NKAIN4: variants seen among roughly 807,000 people sequenced by gnomAD.
The protein encoded by NKAIN4 is sodium/potassium transporting ATPase interacting 4.
NKAIN4 carries 28 observed loss-of-function variants against 28.8 expected under a neutral mutation model. The ratio of observed to expected loss-of-function variants is 0.97; its 90% CI spans 0.72 to 1.33. The LOEUF is 1.33. NKAIN4 is among the 40% of genes most tolerant of loss of function. The pLI is 0.00. For synonymous variants in NKAIN4, 122 were observed against 115.6 expected (o/e 1.06, Z -0.36); for missense variants, 289 against 277.2 (o/e 1.04, Z -0.30).
At chr20:63,248,423 T>C (rs909053335) in intron 3 of NKAIN4, 10 of 198,226 alleles carry the variant, frequency 5.0e-5, no homozygotes, top group Non-Finnish European at 9.5e-5. Context: ...GTTCCCTGCA[T>C]TGCAGGAGGC....
intron 5 of NKAIN4, 117 bp downstream of exon 5, chr20:63,243,907 G>A: frequency 1.2e-6 from 1 of 804,458 alleles, no homozygotes; most frequent in Non-Finnish European, 2.0e-6. Flanking sequence ...GCCCTGCTGG[G>A]CGTGAGGTCC....
intron 4 of NKAIN4, 141 bp downstream of exon 4, chr20:63,247,437 A>G: frequency 1.3e-6 from 2 of 1,542,836 alleles, no homozygotes; most frequent in Non-Finnish European, 1.7e-6. Context: ...TAACCTCTCC[A>G]GCAAGGGTGG....
At chr20:63,243,127 G>T (rs1031094658) in intron 5 of NKAIN4, among the ~76,000 whole-genome samples, 5 of 152,226 alleles carry the variant, frequency 3.3e-5, no homozygotes, top group Non-Finnish European at 7.3e-5. Flanking sequence ...TGAACCCCAG[G>T]TTCAAATGGG....
chr20:63,247,446 G>T (rs374123235), intron 4 of NKAIN4, 132 bp downstream of exon 4: 2 of 1,544,518 alleles, frequency 1.3e-6, no homozygotes, highest in East Asian at 2.4e-5. Flanking sequence ...CAGCAAGGGT[G>T]GGGGATGAGG....
chr20:63,246,766 G>A (rs1009314893), intron 4 of NKAIN4: 19 of 984,228 alleles, frequency 1.9e-5, no homozygotes, highest in South Asian at 9.4e-5. Flanking sequence ...GAGGTGAAAC[G>A]CTGACCGAGC....
chr20:63,242,109 C>T (rs1296660445), intron 6 of NKAIN4, among the ~76,000 whole-genome samples: 1 of 152,164 alleles, frequency 6.6e-6, no homozygotes, highest in African/African-American at 2.4e-5. Context: ...CTGGGGTTTG[C>T]AGAGCTGTGG....
intron 3 of NKAIN4, 82 bp from the exon 4 acceptor site, chr20:63,247,857 C>T: frequency 7.1e-7 from 1 of 1,400,164 alleles, no homozygotes; most frequent in Non-Finnish European, 9.3e-7. Context: ...GGGACGCCAC[C>T]ACACCGAGGC....
chr20:63,253,513 G>C (rs1270114181), intron 1 of NKAIN4: 1 of 985,410 alleles, frequency 1.0e-6, no homozygotes, highest in Non-Finnish European at 1.2e-6. Context: ...GGAGGGGGGC[G>C]CGCGGTCCAG....
intron 2 of NKAIN4, among the ~76,000 whole-genome samples, chr20:63,249,718 G>A (rs935815947): frequency 1.3e-5 from 2 of 152,134 alleles, no homozygotes; most frequent in African/African-American, 4.8e-5. Context: ...CCCAATATAT[G>A]CAGCTGCTCC....
chr20:63,244,819 G>A lies in NKAIN4; in HGVS notation c.472-735C>T, dbSNP rs531568281. Among the ~76,000 whole-genome samples the A allele has an allele frequency of 9.6e-4, 146 of 152,334 alleles. 1 individual carries two copies. Among genetic ancestry groups the A allele is most frequent in the African/African-American group, 2.9e-3 (120 of 41,590 alleles). On this transcript the variant is annotated intron_variant, in intron 4 of 6. Coordinates refer to ENST00000370316, the MANE Select transcript of NKAIN4 (RefSeq NM_152864.4). ...AAACACCAACAGCATGAGCGAGAGGGCCTGGCCAGGGGCACTCCAGGCCAC... is the reference window on the plus strand; with the variant it reads ...AAACACCAACAGCATGAGCGAGAGGACCTGGCCAGGGGCACTCCAGGCCAC...
chr20:63,245,635 G>A lies in NKAIN4; in HGVS notation c.472-1551C>T, dbSNP rs1161945068. Among the ~76,000 whole-genome samples the A allele has an allele frequency of 1.3e-5, 2 of 152,094 alleles. No homozygotes were observed. The highest frequency in any genetic ancestry group is 2.1e-4 in the South Asian group (1 of 4,806). On this transcript the variant is annotated intron_variant, in intron 4 of 6. Transcript: ENST00000370316. This position sits in a 1 kb window ranked among gnomAD's most constrained non-coding sequence, Gnocchi z 4.7. ...CCCCCAGAGCCTGGCCTTGTCAGAC[G>A]ACTCTCTTGCCACCACCATTTCCAT... is the stretch of plus-strand genomic sequence containing the variant.
intron 5 of NKAIN4, among the ~76,000 whole-genome samples, 176 bp from the exon 6 acceptor site, chr20:63,242,799 A>C (rs2066781562): frequency 7.7e-6 from 1 of 130,692 alleles, no homozygotes; most frequent in East Asian, 2.6e-4. Context: ...GGGGGGTGGG[A>C]CACCCGGGTC....
intron 4 of NKAIN4, chr20:63,247,212 G>T (rs1044738485): frequency 1.7e-6 from 2 of 1,183,878 alleles, no homozygotes; most frequent in Non-Finnish European, 2.1e-6. Context: ...GGCGGGACAC[G>T]CATGGATGGG....
Position 63,245,120 on chromosome 20 carries a change from C to A in NKAIN4, c.472-1036G>T, listed in dbSNP as rs1175218883. 6.6e-6 allele frequency among the ~76,000 whole-genome samples: 1 copy of A among 152,284 alleles called. No individual in the cohort carries two copies. The highest frequency in any genetic ancestry group is 1.5e-5 in the Non-Finnish European group (1 of 68,010). On this transcript the variant is annotated intron_variant, in intron 4 of 6. Transcript: ENST00000370316. The surrounding 1 kb of genome is among the most constrained non-coding windows in gnomAD (Gnocchi z 4.7). ...CCCCGACCCCCGACCCCATCTGGTACAGGCAAGTTGGTGGTTGCTTTCCTG... is the reference window on the plus strand; with the variant it reads ...CCCCGACCCCCGACCCCATCTGGTAAAGGCAAGTTGGTGGTTGCTTTCCTG...
rs1472969728 is a variant in NKAIN4 at position 63,250,058 on chromosome 20, C to T, written c.69G>A (p.Glu23=). Residue 23 remains glutamate (E), a synonymous_variant, in exon 2 of 7, where the codon GAG becomes GAA. Transcript: ENST00000370316. ...AGCCCAGGAAGTCAAACACCTGCCTCTCCAGGGCGGCGACCTAGGAGCAGG... is the reference window on the plus strand; with the variant it reads ...AGCCCAGGAAGTCAAACACCTGCCTTTCCAGGGCGGCGACCTAGGAGCAGG... ...LCAFQLVAAL[E]RQVFDFLGYQ... 1.3e-6 allele frequency: 2 copies of T among 1,581,966 alleles called. No homozygotes were observed. The highest frequency in any genetic ancestry group is 1.7e-6 in the Non-Finnish European group (2 of 1,165,256).
At chr20:63,253,508 G>A (rs1259147352) in intron 1 of NKAIN4, 2 of 985,446 alleles carry the variant, frequency 2.0e-6, no homozygotes, top group East Asian at 1.1e-4. Context: ...GAGGAGGAGG[G>A]GGGCGCGCGG....
At position 63,250,083 on chromosome 20, in the gene NKAIN4, G is replaced by T. The variant is rs2066930137; in HGVS notation, c.55-11C>A. On this transcript the variant is annotated splice_polypyrimidine_tract_variant and intron_variant, in intron 1 of 6. Transcript: ENST00000370316. ...CTCCAGGGCGGCGACCTAGGAGCAG[G>T]GCGGGCGCCATGAAGGGTGGACCCG... 1 of 1,556,760 alleles carries T rather than the reference G, an allele frequency of 6.4e-7. No homozygotes were observed. The highest frequency in any genetic ancestry group is 8.7e-7 in the Non-Finnish European group (1 of 1,151,076).
upstream of NKAIN4, chr20:63,254,663 C>T (rs761052281): frequency 5.4e-6 from 2 of 372,264 alleles, no homozygotes; most frequent in East Asian, 8.3e-5. Context: ...GGCTTCGCGC[C>T]GGCCGGAGAG....
chr20:63,248,488 G>A, intron 3 of NKAIN4: 1 of 275,652 alleles, frequency 3.6e-6, no homozygotes, highest in Non-Finnish European at 7.2e-6. Context: ...GACCCCACGT[G>A]GCCCCAGGAG....
Sources: gnomAD v4.1 joint callset for allele counts (sites outside exome capture counted in the v4.1 genomes callset) on GRCh38, gnomAD v4.1.1 for gene constraint, Gnocchi (gnomAD v3.1) non-coding constraint, MANE v1.5 for transcripts, NCBI Gene and HGNC (gene_info 2026-07-23, HGNC 2026-07-21) for gene names.